Variants in DDC observed in about 807,000 individuals in gnomAD.
The protein encoded by DDC is aromatic-L-amino-acid decarboxylase.
A neutral mutation model predicts 60.0 loss-of-function variants in DDC; 43 were observed. That is an observed-to-expected ratio of 0.72 (90% CI 0.56 to 0.92). DDC has a LOEUF of 0.92. Among genes scored for constraint, DDC ranks in the 40% least tolerant of loss-of-function variants. The probability of loss-of-function intolerance (pLI) is 0.00; values close to 1 mark genes in which losing one functional copy is unlikely to be tolerated. For synonymous variants in DDC, 232 were observed against 234.6 expected (o/e 0.99, Z 0.10); for missense variants, 573 against 620.2 (o/e 0.92, Z 0.81).
chr7:50,522,743 T>C (rs2043930844), intron 6 of DDC, among the ~76,000 whole-genome samples: 3 of 152,156 alleles, frequency 2.0e-5, no homozygotes, highest in Admixed American at 2.0e-4. Context: ...TGAGACTGGG[T>C]AATTTATAAA....
intron 9 of DDC, among the ~76,000 whole-genome samples, chr7:50,484,248 A>T (rs1270987910): frequency 6.6e-6 from 1 of 152,160 alleles, no homozygotes; most frequent in Non-Finnish European, 1.5e-5. Flanking sequence ...GGCTTTGTCG[A>T]TCCTCTCTGT....
chr7:50,480,258 C>G (rs1449113452), intron 9 of DDC, among the ~76,000 whole-genome samples: 1 of 152,130 alleles, frequency 6.6e-6, no homozygotes, highest in Non-Finnish European at 1.5e-5. Flanking sequence ...GTTAAAAACT[C>G]CTAAGTGGCA....
At chr7:50,479,112 C>T (rs558528276) in intron 10 of DDC, among the ~76,000 whole-genome samples, 20 of 152,316 alleles carry the variant, frequency 1.3e-4, no homozygotes, top group African/African-American at 1.9e-4. Flanking sequence ...TCAAATGAGA[C>T]GACATAGGTG....
intron 6 of DDC, among the ~76,000 whole-genome samples, chr7:50,527,044 A>C (rs1023679971): frequency 7.9e-5 from 12 of 152,066 alleles, no homozygotes; most frequent in Non-Finnish European, 1.5e-4. Context: ...CTCTCTTGGC[A>C]ACTAATTTGC....
intron 6 of DDC, among the ~76,000 whole-genome samples, chr7:50,520,566 T>C (rs538823179): frequency 1.3e-5 from 2 of 152,128 alleles, no homozygotes; most frequent in Admixed American, 6.5e-5. Context: ...AGAAGGGAAA[T>C]CTAAAATCTA....
chr7:50,498,288 C>A (rs550076719), intron 8 of DDC, among the ~76,000 whole-genome samples: 1 of 152,350 alleles, frequency 6.6e-6, no homozygotes, highest in South Asian at 2.1e-4. Flanking sequence ...CTTCATCTGC[C>A]ATCACACATG....
At chr7:50,476,577 C>T (rs757502598) in intron 11 of DDC, 47 bp downstream of exon 11, 7 of 1,554,934 alleles carry the variant, frequency 4.5e-6, no homozygotes, top group Admixed American at 1.7e-5. Flanking sequence ...GCGTAGCCCC[C>T]CAGCACTCCA....
intron 4 of DDC, among the ~76,000 whole-genome samples, chr7:50,534,701 C>A (rs1193637877): frequency 2.0e-5 from 3 of 152,174 alleles, no homozygotes; most frequent in African/African-American, 7.2e-5. Context: ...AGTAAGTCGG[C>A]CACCAACATC....
In DDC at chr7:50,499,202, G is replaced by A. The variant is rs746729797; in HGVS notation, c.822C>T (p.Tyr274=). The A allele has an allele frequency of 4.0e-5, 64 of 1,613,798 alleles. No homozygotes were observed. The highest frequency in any genetic ancestry group is 1.6e-4 in the Middle Eastern group (1 of 6,082). The part of the protein sequence containing the change: ...EDIWLHVDAA[Y]AGSAFICPEF... ...CAGGGCAGATGAATGCACTGCCTGC[G>A]TAGGCTGCATCAACGTGCAGCCATA... is the stretch of plus-strand genomic sequence containing the variant. Residue 274 remains tyrosine (Y), a synonymous_variant, in exon 8 of 15, where the codon TAC becomes TAT. Transcript: ENST00000444124.
intron 1 of DDC, among the ~76,000 whole-genome samples, chr7:50,562,825 C>A (rs912807543): frequency 5.9e-5 from 9 of 152,188 alleles, no homozygotes; most frequent in Non-Finnish European, 1.3e-4. Flanking sequence ...AGTATTTAAT[C>A]TCTATTTTGT....
chr7:50,466,428 T>C (rs1433244687), intron 13 of DDC, among the ~76,000 whole-genome samples: 1 of 140,332 alleles, frequency 7.1e-6, no homozygotes, highest in Non-Finnish European at 1.5e-5. Flanking sequence ...GAGGTTGCAG[T>C]GAGCCGAGAT....
chr7:50,539,081 A>C (rs965165496), intron 3 of DDC: 3 of 152,318 alleles, frequency 2.0e-5, no homozygotes, highest in African/African-American at 7.2e-5. Context: ...AGTGCTGCAA[A>C]TTCCTAATTG....
At chr7:50,489,533 C>T (rs983743821) in intron 9 of DDC, among the ~76,000 whole-genome samples, 6 of 152,286 alleles carry the variant, frequency 3.9e-5, no homozygotes, top group Admixed American at 3.9e-4. Context: ...CCAAGTCCAG[C>T]TAAATCTTAA....
chr7:50,561,383 C>T (rs2045342391), intron 1 of DDC, among the ~76,000 whole-genome samples: 2 of 152,168 alleles, frequency 1.3e-5, no homozygotes, highest in African/African-American at 2.4e-5. Context: ...CCAGGCTCCA[C>T]TCCAAGGGTG....
chr7:50,504,770 G>A (rs1053330672), intron 6 of DDC, among the ~76,000 whole-genome samples: 8 of 152,064 alleles, frequency 5.3e-5, no homozygotes, highest in South Asian at 2.1e-4. Context: ...CAGAGCAAGC[G>A]CAGTAGAGAT....
chr7:50,562,437 C>CA (rs2153554949), intron 1 of DDC, among the ~76,000 whole-genome samples: 1 of 152,354 alleles, frequency 6.6e-6, no homozygotes, highest in East Asian at 1.9e-4. Context: ...CTCATCCCCC[C>CA]AAACACTGTG....
chr7:50,493,227 C>A lies in DDC; in HGVS notation c.944+2123G>T, dbSNP rs75968345. Reference sequence around the variant, plus strand: ...AGAAGGGAGCCTGGATGTACCTATCCGCAGTCACTAAACAGCCTTGCTGAT... The same window carrying A: ...AGAAGGGAGCCTGGATGTACCTATCAGCAGTCACTAAACAGCCTTGCTGAT... On this transcript the variant is annotated intron_variant, in intron 9 of 14. Coordinates refer to ENST00000444124, the MANE Select transcript of DDC (RefSeq NM_001082971.2). 0.013 allele frequency among the ~76,000 whole-genome samples: 2,014 copies of A among 152,228 alleles called. 51 individuals are homozygous for A. The highest frequency in any genetic ancestry group is 0.046 in the African/African-American group (1,930 of 41,534).
chr7:50,479,312 C>T (rs1007110809), intron 10 of DDC, among the ~76,000 whole-genome samples: 5 of 152,140 alleles, frequency 3.3e-5, no homozygotes, highest in African/African-American at 1.2e-4. Context: ...TTAGGTGCAC[C>T]TTTGTGTGCT....
intron 1 of DDC, among the ~76,000 whole-genome samples, chr7:50,559,619 G>A (rs564295067): frequency 1.3e-5 from 2 of 152,180 alleles, no homozygotes; most frequent in South Asian, 2.1e-4. Flanking sequence ...GTAGAGATAC[G>A]GTTCCACCAT....
Sources: allele counts gnomAD v4.1 joint callset (sites outside exome capture counted in the v4.1 genomes callset), GRCh38; gene constraint gnomAD v4.1.1; transcripts MANE v1.5; gene names NCBI Gene and HGNC (gene_info 2026-07-23, HGNC 2026-07-21).